The following KSR1 variants were observed in gnomAD, a reference collection of about 807,000 sequenced individuals.
The protein encoded by KSR1 is kinase suppressor of ras.
KSR1 carries 35 observed loss-of-function variants against 92.9 expected under a neutral mutation model. The observed-to-expected ratio is 0.38, with a 90% CI of 0.29 to 0.50. The LOEUF is 0.50. KSR1 is among the 20% of genes least tolerant of loss of function. The pLI is 0.94. For synonymous variants in KSR1, 467 were observed against 472.6 expected, an observed-to-expected ratio of 0.99 and a Z score of 0.15; for missense variants, 972 against 1,158.5, an observed-to-expected ratio of 0.84 and a Z score of 2.34.
intron 2 of KSR1, among the ~76,000 whole-genome samples, chr17:27,571,435 G>A (rs1338156886): frequency 6.6e-6 from 1 of 152,220 alleles, no homozygotes; most frequent in Non-Finnish European, 1.5e-5. Context: ...CCCAGCCTGG[G>A]CTGCCATAGA....
chr17:27,596,412 C>T (rs142281803), intron 9 of KSR1, among the ~76,000 whole-genome samples: 11 of 152,186 alleles, frequency 7.2e-5, no homozygotes, highest in Non-Finnish European at 8.8e-5. Flanking sequence ...AGGCACCAAA[C>T]GTGTTTCCCA....
At chr17:27,526,773 C>G (rs538920957) in intron 1 of KSR1, 1 of 1,155,612 alleles carries the variant, frequency 8.7e-7, no homozygotes, top group South Asian at 1.4e-5. Flanking sequence ...TCGCACAGTT[C>G]TCTATTTGAA....
At chr17:27,590,927 A>C (rs2073145968) in intron 7 of KSR1, 33 bp downstream of exon 7, 1 of 1,558,740 alleles carries the variant, frequency 6.4e-7, no homozygotes, top group Admixed American at 1.8e-5. Flanking sequence ...TGGGGGGAGC[A>C]GACACTTTTA....
chr17:27,569,379 G>C (rs903575260), intron 2 of KSR1, among the ~76,000 whole-genome samples: 2 of 152,220 alleles, frequency 1.3e-5, no homozygotes, highest in East Asian at 3.9e-4. Context: ...AAGGTGACAA[G>C]ATGTGGGTGT....
intron 1 of KSR1, among the ~76,000 whole-genome samples, chr17:27,503,612 C>G (rs1332480246): frequency 6.6e-6 from 1 of 152,204 alleles, no homozygotes; most frequent in African/African-American, 2.4e-5. Flanking sequence ...CCATCTATTT[C>G]TGGTTGTCTT....
intron 18 of KSR1, among the ~76,000 whole-genome samples, chr17:27,616,845 T>G (rs1392751828): frequency 6.6e-6 from 1 of 152,210 alleles, no homozygotes; most frequent in Admixed American, 6.5e-5. Flanking sequence ...TGCCCGTATA[T>G]CGAGTCTTCT....
chr17:27,460,706 A>G (rs751106068), intron 1 of KSR1, among the ~76,000 whole-genome samples: 4 of 152,172 alleles, frequency 2.6e-5, no homozygotes, highest in Non-Finnish European at 4.4e-5. Flanking sequence ...CAGAGGTCAG[A>G]GTCCCACCGT....
intron 1 of KSR1, among the ~76,000 whole-genome samples, chr17:27,460,998 T>A (rs2019406383): frequency 1.3e-5 from 2 of 152,238 alleles, no homozygotes; most frequent in Admixed American, 1.3e-4. Context: ...GTAGCACAGC[T>A]TGCAGGACCC....
At chr17:27,488,819 C>T (rs2068740124) in intron 1 of KSR1, among the ~76,000 whole-genome samples, 1 of 152,212 alleles carries the variant, frequency 6.6e-6, no homozygotes, top group South Asian at 2.1e-4. Context: ...TAAAAATTAG[C>T]TGGGCGTGGT....
In KSR1 at chr17:27,521,831, T is replaced by TC. The variant is rs1472053999; in HGVS notation, c.232-28736dup. On this transcript the variant is annotated intron_variant, in intron 1 of 20. Transcript: ENST00000644974. ...CCTGTTGCCCTGTTAATCCACACTC[T>TC]CATGGCTATGGGAAAGGCAGGCAGT... Among the ~76,000 whole-genome samples, 8 of 152,320 alleles carry TC rather than the reference T, an allele frequency of 5.3e-5. No individual in the cohort carries two copies. In the East Asian group the frequency reaches 1.2e-3, roughly 22 times the overall value.
chr17:27,519,076 G>A (rs1449728866), intron 1 of KSR1, among the ~76,000 whole-genome samples: 2 of 152,178 alleles, frequency 1.3e-5, no homozygotes, highest in African/African-American at 4.8e-5. Flanking sequence ...CCATGCCCTG[G>A]GCTGCAGAAC....
At chr17:27,583,583 A>C (rs1019280447) in intron 4 of KSR1, among the ~76,000 whole-genome samples, 4 of 152,214 alleles carry the variant, frequency 2.6e-5, no homozygotes, top group African/African-American at 7.2e-5. Context: ...TTCCTGGCCC[A>C]ACCTGAACAG....
At chr17:27,583,794 A>C (rs1367121315) in intron 4 of KSR1, among the ~76,000 whole-genome samples, 1 of 152,210 alleles carries the variant, frequency 6.6e-6, no homozygotes, top group African/African-American at 2.4e-5. Flanking sequence ...TTGACTTACA[A>C]ATTTTTCTAT....
chr17:27,510,721 T>G (rs2069569100), intron 1 of KSR1, among the ~76,000 whole-genome samples: 1 of 152,128 alleles, frequency 6.6e-6, no homozygotes, highest in South Asian at 2.1e-4. Flanking sequence ...AATGCATGGG[T>G]TGGGGGTATG....
intron 15 of KSR1, 144 bp from the exon 16 acceptor site, chr17:27,609,052 C>G: frequency 9.9e-7 from 1 of 1,012,622 alleles, no homozygotes; most frequent in Non-Finnish European, 1.4e-6. Flanking sequence ...CTCTCTGAAC[C>G]TCGATTTCTT....
Position 27,623,313 on chromosome 17 carries a change from G to A in KSR1, c.2709-1G>A, listed in dbSNP as rs1451927043. 1 of 764,682 alleles carries A rather than the reference G, an allele frequency of 1.3e-6. No individual in the cohort carries two copies. The highest frequency in any genetic ancestry group is 2.4e-6 in the Non-Finnish European group (1 of 417,652). The allele number at this position is 764,682 out of a possible 1,614,324, so 47.4% of individuals were successfully genotyped here. ...ATTCTTGTTTTTGTTCCTCTTTGCAGCATTAACAGCAGCAAAGTTGTACCC... is the reference window on the plus strand; with the variant it reads ...ATTCTTGTTTTTGTTCCTCTTTGCAACATTAACAGCAGCAAAGTTGTACCC... On this transcript the variant is annotated splice_acceptor_variant, in intron 20 of 20. Coordinates refer to ENST00000644974, the MANE Select transcript of KSR1 (RefSeq NM_001394583.1). LOFTEE classifies it high-confidence loss of function.
intron 1 of KSR1, among the ~76,000 whole-genome samples, chr17:27,510,694 G>C (rs2069567936): frequency 6.6e-6 from 1 of 152,212 alleles, no homozygotes; most frequent in South Asian, 2.1e-4. Flanking sequence ...ATGCTCTCTT[G>C]CTGGTTCATT....
At chr17:27,564,659 C>A (rs1471626672) in intron 2 of KSR1, among the ~76,000 whole-genome samples, 1 of 152,086 alleles carries the variant, frequency 6.6e-6, no homozygotes, top group East Asian at 1.9e-4. Flanking sequence ...CTGAAAAATC[C>A]CAGAGAAGGC....
intron 1 of KSR1, among the ~76,000 whole-genome samples, chr17:27,535,837 T>G (rs1264105651): frequency 6.6e-6 from 1 of 152,228 alleles, no homozygotes; most frequent in African/African-American, 2.4e-5. Flanking sequence ...GGCTCAGACA[T>G]TTAATTGCCC....
Sources: gnomAD v4.1 joint callset for allele counts (sites outside exome capture counted in the v4.1 genomes callset) on GRCh38, gnomAD v4.1.1 for gene constraint, MANE v1.5 for transcripts, NCBI Gene and HGNC (gene_info 2026-07-23, HGNC 2026-07-21) for gene names.